Variants in EPB41L4A observed in about 807,000 individuals in gnomAD.
The protein encoded by EPB41L4A is band 4.1-like protein 4A.
A neutral mutation model predicts 108.6 loss-of-function variants in EPB41L4A; 100 were observed. The observed-to-expected ratio is 0.92, with a 90% CI of 0.78 to 1.09. The LOEUF is 1.09. EPB41L4A is among the 50% of genes least tolerant of loss of function. The probability of loss-of-function intolerance (pLI) is 0.00; values close to 1 mark genes in which losing one functional copy is unlikely to be tolerated. For missense variants in EPB41L4A, 1,030 were observed against 842.7 expected (o/e 1.22, Z -2.75); for synonymous variants, 319 against 289.0 (o/e 1.10, Z -1.05).
intron 1 of EPB41L4A, among the ~76,000 whole-genome samples, chr5:112,372,427 C>G (rs1247512368): frequency 6.6e-6 from 1 of 152,128 alleles, no homozygotes. Context: ...TGGGTGGGGA[C>G]AGAGAGCCAA....
intron 22 of EPB41L4A, 76 bp from the exon 23 acceptor site, chr5:112,165,194 C>A (rs1580349889): frequency 9.0e-7 from 1 of 1,117,064 alleles, no homozygotes; most frequent in Non-Finnish European, 1.3e-6. Flanking sequence ...CATCAGAAAC[C>A]AAGCTGCTCT....
chr5:112,259,973 T>C lies in EPB41L4A; in HGVS notation c.649A>G (p.Asn217Asp), dbSNP rs371252858. The C allele has an allele frequency of 2.4e-4, 380 of 1,613,520 alleles. No individual in the cohort carries two copies. The highest frequency in any genetic ancestry group is 2.6e-4 in the Non-Finnish European group (302 of 1,179,550). Reference sequence around the variant, plus strand: ...AATCCTAAGAAATACTCAGACTTGTTTTCTCCCTGCAAAAACAAACATATG... The same window carrying C: ...AATCCTAAGAAATACTCAGACTTGTCTTCTCCCTGCAAAAACAAACATATG... ...GVDLHPVYGENKSEYFLGLTP... is the reference protein window; with the variant it reads ...GVDLHPVYGEDKSEYFLGLTP... Residue 217 changes from asparagine to aspartate, a missense_variant, in exon 8 of 23, where the codon AAC (asparagine) becomes GAC (aspartate). Coordinates refer to ENST00000261486, the MANE Select transcript of EPB41L4A (RefSeq NM_022140.5).
chr5:112,317,034 A>G (rs1357215112), intron 1 of EPB41L4A, among the ~76,000 whole-genome samples: 1 of 152,192 alleles, frequency 6.6e-6, no homozygotes, highest in African/African-American at 2.4e-5. Flanking sequence ...CTATTGATCA[A>G]AGCAAGTCAC....
chr5:112,155,152 CA>C (rs1759604619), intron 12 of EPB41L4A, among the ~76,000 whole-genome samples: 1 of 152,030 alleles, frequency 6.6e-6, no homozygotes, highest in Non-Finnish European at 1.5e-5. Flanking sequence ...CAAAAACTTT[CA>C]GGTAAGAGAA....
intron 10 of EPB41L4A, among the ~76,000 whole-genome samples, 189 bp downstream of exon 10, chr5:112,240,530 G>A (rs1351934985): frequency 6.6e-6 from 1 of 152,226 alleles, no homozygotes; most frequent in Non-Finnish European, 1.5e-5. Context: ...AAGTGCCTAT[G>A]TGTATATATA....
At position 112,379,904 on chromosome 5, in the gene EPB41L4A, T is replaced by C. The variant is rs565110487; in HGVS notation, c.99+39037A>G. On this transcript the variant is annotated intron_variant, in intron 1 of 22. Coordinates refer to ENST00000261486, the MANE Select transcript of EPB41L4A (RefSeq NM_022140.5). ...CATAAGAAAGACACTATGAGCCACC[T>C]TTTGCTCAAAGCACTGACCTACTCA... Among the ~76,000 whole-genome samples, 4 of 152,334 alleles carry C rather than the reference T, an allele frequency of 2.6e-5. No individual in the cohort carries two copies. The East Asian group carries it at 7.7e-4, about 29-fold the overall frequency.
intron 11 of EPB41L4A, among the ~76,000 whole-genome samples, chr5:112,236,378 C>T (rs948321324): frequency 6.6e-6 from 1 of 152,184 alleles, no homozygotes; most frequent in Admixed American, 6.5e-5. Flanking sequence ...TTTGAAGTTG[C>T]AAGCCCTGTT....
chr5:112,397,174 T>G (rs1013890662), intron 1 of EPB41L4A, among the ~76,000 whole-genome samples: 1 of 152,180 alleles, frequency 6.6e-6, no homozygotes, highest in Non-Finnish European at 1.5e-5. Flanking sequence ...CACTTATAAG[T>G]GAGAAAATGA....
At chr5:112,184,473 A>C (rs1359206704) in intron 17 of EPB41L4A, among the ~76,000 whole-genome samples, 1 of 152,250 alleles carries the variant, frequency 6.6e-6, no homozygotes, top group African/African-American at 2.4e-5. Flanking sequence ...AATCTTAACC[A>C]ATGCTACAAA....
chr5:112,305,106 C>T (rs942527207), intron 2 of EPB41L4A, among the ~76,000 whole-genome samples: 6 of 152,136 alleles, frequency 3.9e-5, no homozygotes, highest in African/African-American at 1.4e-4. Flanking sequence ...TTTGAAAGGT[C>T]TTGGAGACAC....
At chr5:112,330,818 T>G (rs1034934016) in intron 1 of EPB41L4A, among the ~76,000 whole-genome samples, 2 of 152,152 alleles carry the variant, frequency 1.3e-5, no homozygotes, top group African/African-American at 4.8e-5. Flanking sequence ...ATGCATATTT[T>G]CATATAGATT....
intron 18 of EPB41L4A, among the ~76,000 whole-genome samples, chr5:112,172,435 C>T (rs1760634646): frequency 4.0e-5 from 6 of 150,950 alleles, no homozygotes; most frequent in Admixed American, 3.9e-4. Flanking sequence ...TCACTTGAAC[C>T]TGGGAGGTGG....
chr5:112,145,069 C>T (rs1200553043), intron 13 of EPB41L4A, among the ~76,000 whole-genome samples: 1 of 152,212 alleles, frequency 6.6e-6, no homozygotes, highest in African/African-American at 2.4e-5. Context: ...GTGGGCGTAT[C>T]ACTTGAGGTC....
At chr5:112,298,369 A>G (rs1754146817) in intron 2 of EPB41L4A, among the ~76,000 whole-genome samples, 1 of 151,990 alleles carries the variant, frequency 6.6e-6, no homozygotes, top group Non-Finnish European at 1.5e-5. Context: ...TCGTATGCCA[A>G]TTTTGCTGAG....
chr5:112,333,155 C>T (rs1272015418), intron 1 of EPB41L4A, among the ~76,000 whole-genome samples: 1 of 152,198 alleles, frequency 6.6e-6, no homozygotes, highest in African/African-American at 2.4e-5. Flanking sequence ...AAAATGGAGG[C>T]ACCCAAAGGG....
chr5:112,266,564 T>A (rs915149678), intron 4 of EPB41L4A, among the ~76,000 whole-genome samples: 70 of 152,310 alleles, frequency 4.6e-4, no homozygotes, highest in African/African-American at 1.5e-3. Context: ...CTTGGCTTAC[T>A]TCCCAGCCCC....
rs1276171012 is a variant in EPB41L4A at position 112,187,597 on chromosome 5, TGAC to T, written c.1503-3465_1503-3463del. Among the ~76,000 whole-genome samples the T allele has an allele frequency of 8.5e-5, 13 of 152,290 alleles. No homozygotes were observed. In the East Asian group the frequency reaches 2.5e-3, roughly 29 times the overall value. On this transcript the variant is annotated intron_variant, in intron 17 of 22. Transcript: ENST00000261486. ...AATCATTTGATAACAATGAAGAAAATGACTATTCCTAGCCTCTTCTTTCCTGTC... is the reference window on the plus strand; with the variant it reads ...AATCATTTGATAACAATGAAGAAAATTATTCCTAGCCTCTTCTTTCCTGTC...
At chr5:112,145,059 G>A (rs1415872034) in intron 13 of EPB41L4A, among the ~76,000 whole-genome samples, 2 of 152,232 alleles carry the variant, frequency 1.3e-5, no homozygotes, top group African/African-American at 4.8e-5. Flanking sequence ...GGAGGCCGAG[G>A]TGGGCGTATC....
intron 12 of EPB41L4A, among the ~76,000 whole-genome samples, chr5:112,214,726 A>G (rs2150321461): frequency 6.6e-6 from 1 of 152,006 alleles, no homozygotes; most frequent in East Asian, 1.9e-4. Flanking sequence ...AGATCGCGCC[A>G]CTGCACTCCA....
Sources: allele counts gnomAD v4.1 joint callset (sites outside exome capture counted in the v4.1 genomes callset), GRCh38; gene constraint gnomAD v4.1.1; transcripts MANE v1.5; gene names NCBI Gene and HGNC (gene_info 2026-07-23, HGNC 2026-07-21).